TLK2: variants seen among roughly 807,000 people sequenced by gnomAD.
TLK2 encodes the protein tousled like kinase 2, also known as serine/threonine-protein kinase tousled-like 2.
TLK2 carries 6 observed loss-of-function variants against 117.3 expected under a neutral mutation model. The observed-to-expected ratio is 0.05, with a 90% CI of 0.03 to 0.10. TLK2 has a LOEUF of 0.10. Ranked by LOEUF, TLK2 falls within the 10% of genes least tolerant of loss-of-function variation. TLK2 has a pLI of 1.00. For missense variants in TLK2, 299 were observed against 901.2 expected (o/e 0.33, Z 8.56); for synonymous variants, 257 against 316.7 (o/e 0.81, Z 2.00).
At chr17:62,480,981 C>T in intron 1 of TLK2, 140 bp from the exon 2 acceptor site, 2 of 761,830 alleles carry the variant, frequency 2.6e-6, no homozygotes, top group Non-Finnish European at 4.3e-6. Flanking sequence ...TAGTAGTCTA[C>T]CACTTGTATG....
chr17:62,552,881 A>G (rs912400168), intron 8 of TLK2, among the ~76,000 whole-genome samples: 4 of 152,218 alleles, frequency 2.6e-5, no homozygotes, highest in African/African-American at 4.8e-5. Context: ...CTAATTTATG[A>G]AAGTAGTTAA....
chr17:62,567,101 A>C (rs764133143), intron 11 of TLK2, among the ~76,000 whole-genome samples: 2 of 152,012 alleles, frequency 1.3e-5, no homozygotes, highest in Non-Finnish European at 2.9e-5. Context: ...GGTGGCACAC[A>C]CCTGTGGTCC....
intron 9 of TLK2, among the ~76,000 whole-genome samples, chr17:62,556,907 G>T (rs779607264): frequency 6.6e-6 from 1 of 152,068 alleles, no homozygotes; most frequent in Non-Finnish European, 1.5e-5. Context: ...ACTGCAGCTC[G>T]TGTGAATTTT....
intron 15 of TLK2, among the ~76,000 whole-genome samples, chr17:62,580,454 A>ATGG (rs72332289): frequency 1.1e-4 from 2 of 17,702 alleles, no homozygotes; most frequent in Admixed American, 4.3e-4. Context: ...TCGTGGAATT[A>ATGG]TGATTTTTAT....
chr17:62,605,711 T>G (rs1305714846), intron 19 of TLK2, among the ~76,000 whole-genome samples: 1 of 152,004 alleles, frequency 6.6e-6, no homozygotes. Flanking sequence ...ACTGTTAAAA[T>G]TCATATATTT....
chr17:62,546,518 G>T (rs983099820), intron 7 of TLK2, among the ~76,000 whole-genome samples: 2 of 141,224 alleles, frequency 1.4e-5, no homozygotes, highest in Non-Finnish European at 1.6e-5. Flanking sequence ...TTAACCTTTT[G>T]TTTTATCTTC....
chr17:62,519,265 C>T (rs887600362), intron 2 of TLK2, among the ~76,000 whole-genome samples: 2 of 152,142 alleles, frequency 1.3e-5, no homozygotes, highest in Admixed American at 6.5e-5. Context: ...CTCCTGGCAC[C>T]ATTTGCTGAA....
intron 11 of TLK2, among the ~76,000 whole-genome samples, chr17:62,567,293 A>G (rs1391295848): frequency 2.0e-5 from 3 of 152,208 alleles, no homozygotes; most frequent in Admixed American, 6.5e-5. Context: ...GCAATATTTT[A>G]TCTCTTACTC....
At chr17:62,536,485 A>G (rs35583232) in intron 7 of TLK2, 148 bp downstream of exon 7, 12 of 938,224 alleles carry the variant, frequency 1.3e-5, no homozygotes, top group African/African-American at 8.5e-5. Flanking sequence ...ATTCCCAAAC[A>G]TGTCTAATTC....
intron 6 of TLK2, among the ~76,000 whole-genome samples, chr17:62,527,847 A>G (rs1169711983): frequency 6.6e-6 from 1 of 151,690 alleles, no homozygotes; most frequent in Admixed American, 6.6e-5. Flanking sequence ...GTTTCAAGCG[A>G]TTCTCCTGCC....
chr17:62,475,026 A>G (rs1235484734), upstream of TLK2, among the ~76,000 whole-genome samples: 4 of 152,160 alleles, frequency 2.6e-5, no homozygotes, highest in Non-Finnish European at 4.4e-5. Context: ...ATCCTGGGCG[A>G]TAGAGCCAAA....
At chr17:62,597,480 C>T (rs1460135853) in intron 17 of TLK2, among the ~76,000 whole-genome samples, 2 of 152,224 alleles carry the variant, frequency 1.3e-5, no homozygotes, top group Non-Finnish European at 2.9e-5. Context: ...CAGCATGCCA[C>T]TGACGTGCAC....
chr17:62,578,610 C>A (rs781140797), intron 14 of TLK2, 36 bp downstream of exon 14: 4 of 1,496,472 alleles, frequency 2.7e-6, no homozygotes, highest in Admixed American at 3.4e-5. Flanking sequence ...TTGGAGATTG[C>A]TAAGCATTTT....
rs2080447667 is a variant in TLK2, at chr17:62,573,128, A to T, written c.969-87A>T. Reference sequence around the variant, plus strand: ...AGGGGCTTATTTTTTCTGAAATTGGATACACAAGTGACAAATTGTGTGTGT... The same window carrying T: ...AGGGGCTTATTTTTTCTGAAATTGGTTACACAAGTGACAAATTGTGTGTGT... On this transcript the variant is annotated intron_variant, in intron 11 of 21. Transcript: ENST00000346027. The T allele has an allele frequency of 2.5e-5, 36 of 1,426,186 alleles. No individual in the cohort carries two copies. In the South Asian group the frequency reaches 5.1e-4, roughly 20 times the overall value. The allele number at this position is 1,426,186 out of a possible 1,614,324, so 88.3% of individuals were successfully genotyped here. A position where few individuals can be genotyped will look rare whatever the true frequency, so the allele number is the denominator to read the frequency against.
intron 6 of TLK2, among the ~76,000 whole-genome samples, chr17:62,527,877 G>A (rs916668079): frequency 6.6e-6 from 1 of 151,936 alleles, no homozygotes; most frequent in Non-Finnish European, 1.5e-5. Flanking sequence ...CAAGTAGCTG[G>A]GACTACAGAC....
intron 20 of TLK2, among the ~76,000 whole-genome samples, chr17:62,607,012 C>CTTTTT (rs10680028): frequency 5.7e-5 from 7 of 123,544 alleles, no homozygotes; most frequent in African/African-American, 1.2e-4. Context: ...TCTCCTTGGT[C>CTTTTT]TTTTTTTTTT....
chr17:62,549,008 G>T (rs910267519), intron 7 of TLK2, among the ~76,000 whole-genome samples: 3 of 150,810 alleles, frequency 2.0e-5, no homozygotes, highest in Non-Finnish European at 4.4e-5. Context: ...CAAAGTGCTG[G>T]GATTACAGGT....
At chr17:62,606,667 G>A (rs532802623) in intron 20 of TLK2, among the ~76,000 whole-genome samples, 1 of 152,210 alleles carries the variant, frequency 6.6e-6, no homozygotes, top group East Asian at 1.9e-4. Context: ...ATTAATGAAA[G>A]CGTGCTTTAT....
intron 9 of TLK2, among the ~76,000 whole-genome samples, chr17:62,558,371 G>A (rs887034755): frequency 5.3e-5 from 8 of 152,024 alleles, no homozygotes; most frequent in African/African-American, 1.9e-4. Flanking sequence ...CCATGTTGCC[G>A]AGGCTGGTCT....
Sources: allele counts gnomAD v4.1 joint callset (sites outside exome capture counted in the v4.1 genomes callset), GRCh38; gene constraint gnomAD v4.1.1; transcripts MANE v1.5; gene names NCBI Gene and HGNC (gene_info 2026-07-23, HGNC 2026-07-21).